Variants in ROBO2 observed in about 807,000 individuals in gnomAD.
ROBO2 encodes the protein roundabout guidance receptor 2.
ROBO2 carries 53 observed loss-of-function variants against 160.8 expected under a neutral mutation model. The ratio of observed to expected loss-of-function variants is 0.33; its 90% CI spans 0.26 to 0.41. The LOEUF (loss-of-function observed/expected upper bound fraction) is 0.41, where lower values mean the gene tolerates loss of function less well. Ranked by LOEUF, ROBO2 falls within the 10% of genes least tolerant of loss-of-function variation. The pLI is 1.00. For synonymous variants in ROBO2, 664 were observed against 611.7 expected, an observed-to-expected ratio of 1.09 and a Z score of -1.26; for missense variants, 1,577 against 1,722.4, an observed-to-expected ratio of 0.92 and a Z score of 1.49.
At chr3:76,272,820 TTA>T (rs1174051629) in intron 2 of ROBO2, among the ~76,000 whole-genome samples, 1 of 14,454 alleles carries the variant, frequency 6.9e-5, no homozygotes, top group Non-Finnish European at 1.8e-4. Context: ...TAATATGTAT[TTA>T]TATATAAAAT....
intron 2 of ROBO2, among the ~76,000 whole-genome samples, chr3:76,579,786 CAAAAA>C (rs5850267): frequency 1.9e-5 from 2 of 107,146 alleles, no homozygotes; most frequent in Non-Finnish European, 3.9e-5. Context: ...GGTTGAGTTA[CAAAAA>C]AAAAAAAAAA....
At chr3:77,171,649 A>T (rs1165883645) in intron 2 of ROBO2, among the ~76,000 whole-genome samples, 1 of 152,218 alleles carries the variant, frequency 6.6e-6, no homozygotes, top group Non-Finnish European at 1.5e-5. Flanking sequence ...TGTGTTGTAC[A>T]GGTATCAGAA....
At chr3:77,172,924 G>C (rs2079778673) in intron 2 of ROBO2, among the ~76,000 whole-genome samples, 1 of 152,170 alleles carries the variant, frequency 6.6e-6, no homozygotes, top group Non-Finnish European at 1.5e-5. Flanking sequence ...CTACTTGTCA[G>C]AACTGAAGTA....
chr3:76,888,097 G>A (rs1050748204), intron 2 of ROBO2, among the ~76,000 whole-genome samples: 1 of 152,208 alleles, frequency 6.6e-6, no homozygotes, highest in Admixed American at 6.5e-5. Context: ...GCCGGGCACA[G>A]TGGCTCACAC....
intron 1 of ROBO2, among the ~76,000 whole-genome samples, chr3:77,049,923 G>T (rs998077820): frequency 7.9e-5 from 12 of 152,116 alleles, no homozygotes; most frequent in Non-Finnish European, 1.5e-4. Context: ...GATTCAAAAA[G>T]GGAGAATTTT....
intron 2 of ROBO2, among the ~76,000 whole-genome samples, chr3:76,287,806 G>A (rs915615746): frequency 6.6e-6 from 1 of 152,168 alleles, no homozygotes; most frequent in African/African-American, 2.4e-5. Context: ...AATAAAGTAA[G>A]ATACATATCT....
At chr3:76,369,015 G>A (rs942412731) in intron 2 of ROBO2, among the ~76,000 whole-genome samples, 2 of 151,870 alleles carry the variant, frequency 1.3e-5, no homozygotes, top group Non-Finnish European at 2.9e-5. Flanking sequence ...CCTTGACTCC[G>A]TAGGACTCTT....
chr3:76,725,297 C>A lies in ROBO2; in HGVS notation c.110-372717C>A, dbSNP rs954337631. The stretch of plus-strand genomic sequence containing the variant: ...GTTCTGTTGATTCTATTTAATACAT[C>A]TCTCTCTAAATTATTCCTTCTTTTA... On this transcript the variant is annotated intron_variant, in intron 2 of 26. Coordinates refer to the ROBO2 transcript ENST00000487694. Among the ~76,000 whole-genome samples, 3 of 152,016 alleles carry A rather than the reference C, an allele frequency of 2.0e-5. No homozygotes were observed. The South Asian group carries it at 6.2e-4, about 31-fold the overall frequency.
At chr3:77,569,434 C>A (rs1408200202) in intron 13 of ROBO2, among the ~76,000 whole-genome samples, 1 of 151,842 alleles carries the variant, frequency 6.6e-6, no homozygotes, top group African/African-American at 2.4e-5. Flanking sequence ...TAATCATATT[C>A]ATCTTCTCAT....
intron 2 of ROBO2, among the ~76,000 whole-genome samples, chr3:77,380,665 C>CTCCCTCTCTCCCTCCT (rs2073324587): frequency 4.0e-5 from 6 of 150,444 alleles, no homozygotes; most frequent in African/African-American, 7.3e-5. Context: ...TCTTCCCTCC[C>CTCCCTCTCTCCCTCCT]TCCCTCTCTC....
At chr3:77,080,358 G>C (rs1207020390) in intron 1 of ROBO2, among the ~76,000 whole-genome samples, 1 of 152,174 alleles carries the variant, frequency 6.6e-6, no homozygotes, top group African/African-American at 2.4e-5. Context: ...TAAGTGATTA[G>C]AAGGTAGTAG....
chr3:76,938,073 T>G (rs1045018118), intron 2 of ROBO2, among the ~76,000 whole-genome samples: 1 of 152,146 alleles, frequency 6.6e-6, no homozygotes, highest in Admixed American at 6.5e-5. Flanking sequence ...TGGCAACTAG[T>G]CAGTAATCAA....
At chr3:76,315,384 AG>A (rs1488345671) in intron 2 of ROBO2, among the ~76,000 whole-genome samples, 1 of 152,250 alleles carries the variant, frequency 6.6e-6, no homozygotes, top group African/African-American at 2.4e-5. Context: ...AAGCAAAGAA[AG>A]CCTCTCTGGC....
intron 1 of ROBO2, among the ~76,000 whole-genome samples, chr3:75,928,383 T>C (rs1947379704): frequency 6.6e-6 from 1 of 152,260 alleles, no homozygotes; most frequent in African/African-American, 2.4e-5. Context: ...GCAGACATTA[T>C]GTCTACTTAT....
intron 2 of ROBO2, among the ~76,000 whole-genome samples, chr3:76,360,731 G>A (rs1001111813): frequency 3.3e-5 from 5 of 152,074 alleles, no homozygotes; most frequent in East Asian, 1.9e-4. Context: ...GATGTCATTC[G>A]GTGGGTGTTC....
intron 6 of ROBO2, among the ~76,000 whole-genome samples, chr3:77,533,514 G>C (rs990546554): frequency 9.9e-5 from 15 of 152,256 alleles, no homozygotes; most frequent in South Asian, 2.1e-4. Flanking sequence ...GTGTTTTTCG[G>C]AATCTGGTTC....
chr3:76,140,428 T>TA (rs1401223506), intron 2 of ROBO2, among the ~76,000 whole-genome samples: 1 of 152,000 alleles, frequency 6.6e-6, no homozygotes, highest in Non-Finnish European at 1.5e-5. Flanking sequence ...TATTAACTGA[T>TA]TTAATCTTCA....
intron 2 of ROBO2, among the ~76,000 whole-genome samples, chr3:76,879,382 G>A (rs1234108581): frequency 6.6e-6 from 1 of 152,076 alleles, no homozygotes; most frequent in Non-Finnish European, 1.5e-5. Flanking sequence ...AAGCTCCCGG[G>A]AGAGGTCCAT....
chr3:76,474,668 A>T (rs1419818866), intron 2 of ROBO2, among the ~76,000 whole-genome samples: 1 of 152,170 alleles, frequency 6.6e-6, no homozygotes, highest in Non-Finnish European at 1.5e-5. Context: ...CAAAAATACT[A>T]TGTATCAATC....
Sources: gnomAD v4.1 joint callset for allele counts (sites outside exome capture counted in the v4.1 genomes callset) on GRCh38, gnomAD v4.1.1 for gene constraint, MANE v1.5 for transcripts, NCBI Gene and HGNC (gene_info 2026-07-23, HGNC 2026-07-21) for gene names.